ACP3: variants seen among roughly 807,000 people sequenced by gnomAD.
The protein encoded by ACP3 is prostatic acid phosphatase.
In ACP3, 38 loss-of-function variants were observed where a neutral mutation model predicts 45.6. The observed-to-expected ratio is 0.83, with a 90% CI of 0.64 to 1.09. ACP3 has a LOEUF of 1.09. ACP3 is among the 50% of genes least tolerant of loss of function. The pLI, the probability that ACP3 is intolerant of heterozygous loss-of-function variation, is 0.00. For synonymous variants in ACP3, 162 were observed against 164.7 expected (o/e 0.98, Z 0.13); for missense variants, 466 against 463.2 (o/e 1.01, Z -0.05).
chr3:132,352,815 T>C lies in ACP3; in HGVS notation c.960T>C (p.Phe320=). 1.2e-6 allele frequency: 2 copies of C among 1,605,984 alleles called. No homozygotes were observed. The highest frequency in any genetic ancestry group is 1.7e-6 in the Non-Finnish European group (2 of 1,172,652). ...CTTGCCACTTGACGGAATTGTACTT[T>C]GAGAAGGGGTAAGTGACTAAGTGCT... ...YASCHLTELY[F]EKGEYFVEMY... Residue 320 remains phenylalanine (F), a synonymous_variant, in exon 9 of 10, where the codon TTT becomes TTC. Coordinates refer to ENST00000336375, the MANE Select transcript of ACP3 (RefSeq NM_001099.5).
downstream of ACP3, among the ~76,000 whole-genome samples, chr3:132,363,828 T>C (rs551521264): frequency 2.0e-5 from 3 of 151,984 alleles, no homozygotes; most frequent in South Asian, 4.2e-4. Context: ...TCCCAGCCAC[T>C]CAGGAGGCTG....
At chr3:132,354,379 T>A (rs1203783381) in intron 9 of ACP3, among the ~76,000 whole-genome samples, 1 of 152,206 alleles carries the variant, frequency 6.6e-6, no homozygotes, top group Non-Finnish European at 1.5e-5. Context: ...GAGTTAAATC[T>A]ATATTACAAA....
At chr3:132,364,944 C>A (rs1938106593) in intron 10 of ACP3, among the ~76,000 whole-genome samples, 1 of 152,222 alleles carries the variant, frequency 6.6e-6, no homozygotes, top group African/African-American at 2.4e-5. Context: ...TCTTCAATTT[C>A]ATTTAGTTGC....
chr3:132,321,852 C>G (rs1452333389), intron 1 of ACP3, among the ~76,000 whole-genome samples: 1 of 152,022 alleles, frequency 6.6e-6, no homozygotes, highest in African/African-American at 2.4e-5. Context: ...TATATGTTAG[C>G]TAAGCTAAAT....
chr3:132,362,021 AT>A (rs1489765087), downstream of ACP3, among the ~76,000 whole-genome samples: 1 of 151,840 alleles, frequency 6.6e-6, no homozygotes, highest in East Asian at 1.9e-4. Flanking sequence ...TTCAATCTCA[AT>A]TTTCTTGAAC....
chr3:132,333,462 TG>T (rs1244427808), intron 4 of ACP3: 1 of 152,662 alleles, frequency 6.6e-6, no homozygotes, highest in Non-Finnish European at 1.5e-5. Context: ...GCCTGACTGC[TG>T]GACCCAGACT....
At chr3:132,335,139 A>G (rs1937468437) in intron 4 of ACP3, among the ~76,000 whole-genome samples, 3 of 152,186 alleles carry the variant, frequency 2.0e-5, no homozygotes, top group Non-Finnish European at 2.9e-5. Context: ...TCTCTTAACA[A>G]TATAATTTCT....
At chr3:132,336,266 T>TAAC (rs1937489337) in intron 4 of ACP3, among the ~76,000 whole-genome samples, 1 of 151,674 alleles carries the variant, frequency 6.6e-6, no homozygotes, top group Admixed American at 6.6e-5. Flanking sequence ...TCTCAAAACA[T>TAAC]AATAATAATA....
At chr3:132,327,543 G>T (rs1412008614) in intron 1 of ACP3, among the ~76,000 whole-genome samples, 1 of 150,178 alleles carries the variant, frequency 6.7e-6, no homozygotes, top group African/African-American at 2.5e-5. Flanking sequence ...TACTAGTTGG[G>T]CACGGTGGCT....
At chr3:132,319,255 G>C (rs1178973206) in intron 1 of ACP3, among the ~76,000 whole-genome samples, 1 of 152,088 alleles carries the variant, frequency 6.6e-6, no homozygotes, top group East Asian at 1.9e-4. Flanking sequence ...GAGAATATTT[G>C]ACTATAAGTG....
chr3:132,364,609 T>C (rs1938099335), intron 10 of ACP3, among the ~76,000 whole-genome samples: 1 of 152,240 alleles, frequency 6.6e-6, no homozygotes, highest in African/African-American at 2.4e-5. Context: ...AGCATTTCTT[T>C]TGCACCTCCA....
intron 9 of ACP3, among the ~76,000 whole-genome samples, chr3:132,356,037 T>C (rs916860815): frequency 6.6e-6 from 1 of 152,222 alleles, no homozygotes. Context: ...TTTACACCAT[T>C]GGACCTTCCC....
intron 6 of ACP3, 139 bp from the exon 7 acceptor site, chr3:132,344,788 T>C: frequency 1.1e-6 from 1 of 929,026 alleles, no homozygotes; most frequent in Non-Finnish European, 1.6e-6. Flanking sequence ...CTTATCACAA[T>C]ATGAAGTTCT....
At chr3:132,329,593 C>T (rs191821939) in intron 2 of ACP3, among the ~76,000 whole-genome samples, 1 of 152,316 alleles carries the variant, frequency 6.6e-6, no homozygotes, top group African/African-American at 2.4e-5. Context: ...ATACCTATGG[C>T]TCTGTATAGA....
In ACP3 at chr3:132,358,748, A is replaced by G. The variant is rs1183922689; in HGVS notation, c.*1870A>G. 18 of 989,474 alleles carry G rather than the reference A, an allele frequency of 1.8e-5. No individual in the cohort carries two copies. The highest frequency in any genetic ancestry group is 2.2e-5 in the Non-Finnish European group (18 of 832,288). The allele number at this position is 989,474 out of a possible 1,614,324, so 61.3% of individuals were successfully genotyped here. A position where few individuals can be genotyped will look rare whatever the true frequency, so the allele number is the denominator to read the frequency against. On this transcript the variant is annotated 3_prime_UTR_variant, in exon 10 of 10. Coordinates refer to ENST00000336375, the MANE Select transcript of ACP3 (RefSeq NM_001099.5). Reference sequence around the variant, plus strand: ...TAAAATAGTGAATAAAGTCATTATTAGGAAGTTCAAAAGCATTGCTTTTAT... The same window carrying G: ...TAAAATAGTGAATAAAGTCATTATTGGGAAGTTCAAAAGCATTGCTTTTAT...
At chr3:132,353,575 G>A (rs17182582) in intron 9 of ACP3, among the ~76,000 whole-genome samples, 1 of 152,114 alleles carries the variant, frequency 6.6e-6, no homozygotes, top group Non-Finnish European at 1.5e-5. Flanking sequence ...ATAAGAGCAA[G>A]GAAAGGGCTG....
At chr3:132,326,378 G>A (rs1937298581) in intron 1 of ACP3, among the ~76,000 whole-genome samples, 1 of 152,118 alleles carries the variant, frequency 6.6e-6, no homozygotes, top group African/African-American at 2.4e-5. Flanking sequence ...TTCAATTGTG[G>A]AAAGAGGCAT....
rs372427660 is a variant in ACP3 at position 132,351,841 on chromosome 3, A to T, written c.865-879A>T. 1.7e-4 allele frequency among the ~76,000 whole-genome samples: 26 copies of T among 152,298 alleles called. No individual in the cohort carries two copies. In the East Asian group the frequency reaches 2.1e-3, roughly 12 times the overall value. ...ATATGGAAGTTGAGGACTGCCTAAG[A>T]TTAGATAGCTAATCAGTGGCAGAAA... On this transcript the variant is annotated intron_variant, in intron 8 of 9. Transcript: ENST00000336375.
chr3:132,339,533 G>C (rs564876520), intron 5 of ACP3, among the ~76,000 whole-genome samples: 1 of 151,544 alleles, frequency 6.6e-6, no homozygotes, highest in African/African-American at 2.5e-5. Context: ...CTGGCTTTAA[G>C]TTGGGGTTCC....
Sources: allele counts gnomAD v4.1 joint callset (sites outside exome capture counted in the v4.1 genomes callset), GRCh38; gene constraint gnomAD v4.1.1; transcripts MANE v1.5; gene names NCBI Gene and HGNC (gene_info 2026-07-23, HGNC 2026-07-21).